Variants in OXR1 observed in about 807,000 individuals in gnomAD.
OXR1 encodes oxidation resistance protein 1.
In OXR1, 41 loss-of-function variants were observed where a neutral mutation model predicts 104.6. The observed-to-expected ratio is 0.39, with a 90% CI of 0.31 to 0.51. OXR1 has a LOEUF of 0.51. OXR1 is among the 20% of genes least tolerant of loss of function. The pLI, the probability that OXR1 is intolerant of heterozygous loss-of-function variation, is 0.77. For missense variants in OXR1, 955 were observed against 1,031.9 expected (o/e 0.93, Z 1.02); for synonymous variants, 348 against 348.4 (o/e 1.00, Z 0.01).
intron 10 of OXR1, among the ~76,000 whole-genome samples, chr8:106,711,257 C>T (rs976636368): frequency 3.9e-5 from 6 of 151,996 alleles, no homozygotes; most frequent in South Asian, 2.1e-4. Flanking sequence ...AAGTTTTAAG[C>T]GGTTGTAAAA....
In OXR1 at chr8:106,421,384, A is replaced by C. The variant is rs193013706; in HGVS notation, c.23+61748A>C. ...GCATCAAACTGCCCTAGAACTTAAT[A>C]GTTTAAAAAAATAAGCATTTATAAT... On this transcript the variant is annotated intron_variant, in intron 2 of 16. Coordinates refer to ENST00000517566, the MANE Select transcript of OXR1 (RefSeq NM_001198533.2). Among the ~76,000 whole-genome samples, 87 of 152,318 alleles carry C rather than the reference A, an allele frequency of 5.7e-4. No homozygotes were observed. In the East Asian group the frequency reaches 7.1e-3, roughly 13 times the overall value.
intron 3 of OXR1, among the ~76,000 whole-genome samples, chr8:106,635,882 G>C (rs1407905350): frequency 6.6e-6 from 1 of 152,206 alleles, no homozygotes; most frequent in Non-Finnish European, 1.5e-5. Flanking sequence ...GGCAGTTTTA[G>C]ATATAGTCTT....
intron 3 of OXR1, among the ~76,000 whole-genome samples, chr8:106,544,594 C>T (rs1210659864): frequency 1.3e-5 from 2 of 151,982 alleles, no homozygotes; most frequent in East Asian, 1.9e-4. Flanking sequence ...ACTGACATAG[C>T]ACTACGAAAA....
At chr8:106,370,263 C>A (rs953807132) in intron 2 of OXR1, among the ~76,000 whole-genome samples, 2 of 152,102 alleles carry the variant, frequency 1.3e-5, no homozygotes, top group Admixed American at 1.3e-4. Context: ...CCTGAGACTG[C>A]GCTGAAGTTG....
intron 1 of OXR1, among the ~76,000 whole-genome samples, chr8:106,294,530 A>T (rs75944604): frequency 5.9e-4 from 90 of 151,964 alleles, no homozygotes; most frequent in African/African-American, 2.2e-3. Flanking sequence ...TCTGGGGAGG[A>T]CTCAGGAAGC....
At chr8:106,656,118 C>T (rs1325328952) in intron 3 of OXR1, 1 of 152,236 alleles carries the variant, frequency 6.6e-6, no homozygotes, top group Non-Finnish European at 1.5e-5. Flanking sequence ...TACCGAGCCT[C>T]TCTTTCATTG....
intron 3 of OXR1, among the ~76,000 whole-genome samples, chr8:106,572,818 G>A (rs973716446): frequency 1.3e-4 from 20 of 151,996 alleles, no homozygotes; most frequent in Admixed American, 5.9e-4. Context: ...CCACTTCCAC[G>A]TGTTTAAGTA....
chr8:106,677,743 G>A (rs1587056128), intron 3 of OXR1, among the ~76,000 whole-genome samples: 1 of 152,008 alleles, frequency 6.6e-6, no homozygotes, highest in Non-Finnish European at 1.5e-5. Flanking sequence ...AGTAGAATAT[G>A]TGTATGTATG....
At chr8:106,450,191 T>C (rs2130613176) in intron 2 of OXR1, among the ~76,000 whole-genome samples, 1 of 152,256 alleles carries the variant, frequency 6.6e-6, no homozygotes, top group Non-Finnish European at 1.5e-5. Flanking sequence ...CTAGGTGCTT[T>C]TACCAAAGCT....
At chr8:106,679,113 T>A (rs978944823) in intron 3 of OXR1, 97 bp from the exon 4 acceptor site, 6 of 640,932 alleles carry the variant, frequency 9.4e-6, no homozygotes, top group Non-Finnish European at 1.4e-5. Flanking sequence ...GTATTACTAG[T>A]AAATTAGACA....
At chr8:106,326,326 G>A (rs564766249) in intron 1 of OXR1, among the ~76,000 whole-genome samples, 4 of 152,156 alleles carry the variant, frequency 2.6e-5, no homozygotes, top group Admixed American at 2.0e-4. Flanking sequence ...AAATTTTCTC[G>A]TGTTTACATG....
At chr8:106,395,361 A>C (rs1446648894) in intron 2 of OXR1, among the ~76,000 whole-genome samples, 1 of 152,150 alleles carries the variant, frequency 6.6e-6, no homozygotes, top group Non-Finnish European at 1.5e-5. Context: ...GTTTAGTTGG[A>C]CTTACAGTTC....
intron 3 of OXR1, among the ~76,000 whole-genome samples, chr8:106,585,064 C>T (rs892227859): frequency 2.6e-5 from 4 of 152,086 alleles, no homozygotes; most frequent in African/African-American, 9.7e-5. Flanking sequence ...TCCACTGTTC[C>T]TCTATAAACT....
At chr8:106,359,362 A>AT (rs1816143214) in intron 1 of OXR1, 114 bp from the exon 2 acceptor site, 2 of 407,966 alleles carry the variant, frequency 4.9e-6, no homozygotes, top group Middle Eastern at 5.3e-4. Context: ...AAAAGATCAT[A>AT]TTTTTTGTGT....
chr8:106,474,915 G>A (rs1416638627), intron 2 of OXR1, among the ~76,000 whole-genome samples: 5 of 151,914 alleles, frequency 3.3e-5, no homozygotes, highest in Non-Finnish European at 7.4e-5. Context: ...CATAGATTCT[G>A]GAACCCAAAC....
chr8:106,503,245 G>T (rs918418251), intron 2 of OXR1, among the ~76,000 whole-genome samples: 1 of 151,986 alleles, frequency 6.6e-6, no homozygotes, highest in South Asian at 2.1e-4. Context: ...AATAATGACC[G>T]TAAGAAATGT....
chr8:106,460,167 C>A (rs1232074869), intron 2 of OXR1, among the ~76,000 whole-genome samples: 1 of 152,118 alleles, frequency 6.6e-6, no homozygotes, highest in Non-Finnish European at 1.5e-5. Context: ...ACTTTTAACA[C>A]CATTGCTCTC....
intron 3 of OXR1, among the ~76,000 whole-genome samples, chr8:106,547,077 G>T (rs10099821): frequency 6.6e-6 from 1 of 151,928 alleles, no homozygotes; most frequent in African/African-American, 2.4e-5. Flanking sequence ...TTTTAGTAGA[G>T]ACCGGGTTTC....
chr8:106,657,947 A>G lies in OXR1; in HGVS notation c.221-21263A>G, dbSNP rs754772378. The G allele has an allele frequency of 2.2e-5, 28 of 1,247,220 alleles. No individual in the cohort carries two copies. In the Admixed American group the frequency reaches 6.8e-4, roughly 30 times the overall value. 77.3% of individuals were successfully genotyped at this position (1,247,220 alleles called of 1,614,324 possible). A position where few individuals can be genotyped will look rare whatever the true frequency, so the allele number is the denominator to read the frequency against. ...GTGGCCGCCACCGCCGAAACCGTCG[A>G]CCTCCTGGGCCCCAGTTCCGCGTCC... On this transcript the variant is annotated intron_variant, in intron 3 of 16. Coordinates refer to ENST00000517566, the MANE Select transcript of OXR1 (RefSeq NM_001198533.2).
Sources: allele counts gnomAD v4.1 joint callset (sites outside exome capture counted in the v4.1 genomes callset), GRCh38; gene constraint gnomAD v4.1.1; transcripts MANE v1.5; gene names NCBI Gene and HGNC (gene_info 2026-07-23, HGNC 2026-07-21).